CAST: variants seen among roughly 807,000 people sequenced by gnomAD.
The protein encoded by CAST is calpastatin.
A neutral mutation model predicts 119.6 loss-of-function variants in CAST; 76 were observed. That is an observed-to-expected ratio of 0.64 (90% CI 0.53 to 0.77). The LOEUF (loss-of-function observed/expected upper bound fraction) is 0.77, where lower values mean the gene tolerates loss of function less well. Ranked by LOEUF, CAST falls within the 30% of genes least tolerant of loss-of-function variation. The pLI is 0.00. For missense variants in CAST, 953 were observed against 946.5 expected, an observed-to-expected ratio of 1.01 and a Z score of -0.09; for synonymous variants, 319 against 331.6, an observed-to-expected ratio of 0.96 and a Z score of 0.41.
chr5:96,623,125 A>G (rs1248213911), intron 1 of CAST, among the ~76,000 whole-genome samples: 2 of 151,990 alleles, frequency 1.3e-5, no homozygotes, highest in African/African-American at 4.8e-5. Flanking sequence ...TGGCCTCCCA[A>G]AGTGCTGGGA....
the CAST span, among the ~76,000 whole-genome samples, chr5:96,322,026 A>T: frequency 6.6e-6 from 1 of 152,152 alleles, no homozygotes; most frequent in Non-Finnish European, 1.5e-5. Context: ...CACAAACTAC[A>T]ATCCTTTCAA....
chr5:96,492,009 A>C, the CAST span, among the ~76,000 whole-genome samples: 1 of 152,248 alleles, frequency 6.6e-6, no homozygotes, highest in Admixed American at 6.5e-5. Flanking sequence ...AGAAGAAGGC[A>C]CAGGGGGACT....
intron 1 of CAST, among the ~76,000 whole-genome samples, chr5:96,576,616 A>G (rs1246486460): frequency 6.6e-6 from 1 of 151,990 alleles, no homozygotes; most frequent in East Asian, 1.9e-4. Flanking sequence ...AAGTGCTGGG[A>G]TTACAGGTGT....
the CAST span, chr5:96,416,168 A>G: frequency 1.5e-6 from 2 of 1,324,544 alleles, no homozygotes; most frequent in Non-Finnish European, 2.2e-6. Flanking sequence ...AAGAACAAAC[A>G]TTTGTTTTGC....
At chr5:96,279,485 A>G in the CAST span, among the ~76,000 whole-genome samples, 1 of 152,202 alleles carries the variant, frequency 6.6e-6, no homozygotes, top group Non-Finnish European at 1.5e-5. Context: ...AAGGATAACC[A>G]TTTAGCTATG....
At chr5:96,249,144 A>G in the CAST span, among the ~76,000 whole-genome samples, 21,710 of 152,258 alleles carry the variant, frequency 0.14, 2,105 homozygotes, top group African/African-American at 0.25. Context: ...GGATAAAATT[A>G]CATTGAACAT....
chr5:95,961,445 C>G, the CAST span: 1 of 1,197,282 alleles, frequency 8.4e-7, no homozygotes, highest in Non-Finnish European at 1.1e-6. Context: ...CCCTGCCCTG[C>G]CTGGCCGCTG....
chr5:96,378,595 T>C, the CAST span, among the ~76,000 whole-genome samples: 1 of 152,084 alleles, frequency 6.6e-6, no homozygotes, highest in Non-Finnish European at 1.5e-5. Context: ...TATCCCATTG[T>C]GTGAATAGAC....
chr5:96,450,879 C>A, the CAST span, among the ~76,000 whole-genome samples: 1 of 152,198 alleles, frequency 6.6e-6, no homozygotes, highest in African/African-American at 2.4e-5. Context: ...TCTGGAAGCT[C>A]ATTTTTATTT....
At chr5:96,025,008 T>C in the CAST span, among the ~76,000 whole-genome samples, 1 of 152,224 alleles carries the variant, frequency 6.6e-6, no homozygotes, top group African/African-American at 2.4e-5. Flanking sequence ...CTCCTGAGTC[T>C]CAGTAAGATT....
At chr5:96,326,034 A>G in the CAST span, among the ~76,000 whole-genome samples, 5 of 152,158 alleles carry the variant, frequency 3.3e-5, 1 homozygote, top group South Asian at 4.1e-4. Flanking sequence ...TTTTCACCCA[A>G]CTTGCTCGTT....
chr5:96,232,683 AAG>A, the CAST span, among the ~76,000 whole-genome samples: 1 of 152,134 alleles, frequency 6.6e-6, no homozygotes, highest in Non-Finnish European at 1.5e-5. Flanking sequence ...CCAAGAAAGA[AAG>A]AGAAATTATA....
the CAST span, chr5:96,433,969 T>C: frequency 6.6e-6 from 1 of 152,116 alleles, no homozygotes; most frequent in African/African-American, 2.4e-5. Flanking sequence ...CATGTGATTT[T>C]AAAAAAACAT....
the CAST span, among the ~76,000 whole-genome samples, chr5:96,352,134 G>A: frequency 1.9e-4 from 29 of 152,290 alleles, no homozygotes; most frequent in African/African-American, 6.0e-4. Context: ...AGTTCATGAA[G>A]AGCCTTTCTC....
the CAST span, among the ~76,000 whole-genome samples, chr5:96,066,454 G>A: frequency 7.1e-6 from 1 of 141,644 alleles, no homozygotes; most frequent in Non-Finnish European, 1.5e-5. Context: ...CCATTTTTAA[G>A]TCCTTTCTCT....
chr5:96,310,186 A>T, the CAST span, among the ~76,000 whole-genome samples: 13 of 152,160 alleles, frequency 8.5e-5, no homozygotes, highest in Admixed American at 7.9e-4. Context: ...TGATGACATG[A>T]TTATATAATT....
chr5:95,963,040 C>T, the CAST span, among the ~76,000 whole-genome samples: 1 of 152,038 alleles, frequency 6.6e-6, no homozygotes, highest in Non-Finnish European at 1.5e-5. Context: ...AGATGGGTTC[C>T]TGTCAGAGGA....
chr5:96,510,473 T>C, the CAST span, among the ~76,000 whole-genome samples: 140 of 152,270 alleles, frequency 9.2e-4, 3 homozygotes, highest in South Asian at 0.029. Context: ...GTGAGCAAAA[T>C]AGGATAATGG....
the CAST span, among the ~76,000 whole-genome samples, chr5:96,338,491 A>G: frequency 2.0e-5 from 3 of 152,340 alleles, no homozygotes; most frequent in Middle Eastern, 6.8e-3. Flanking sequence ...CTAAACAGGT[A>G]TATTTAGATA....
Sources: allele counts gnomAD v4.1 joint callset (sites outside exome capture counted in the v4.1 genomes callset), GRCh38; gene constraint gnomAD v4.1.1; transcripts MANE v1.5; gene names NCBI Gene and HGNC (gene_info 2026-07-23, HGNC 2026-07-21).